The following CRIM1 variants were observed in gnomAD, a reference collection of about 807,000 sequenced individuals.
CRIM1 encodes the protein cysteine rich transmembrane BMP regulator 1.
CRIM1 carries 32 observed loss-of-function variants against 116.4 expected under a neutral mutation model. That is an observed-to-expected ratio of 0.27 (90% confidence interval 0.21 to 0.37). The LOEUF is 0.37. Ranked by LOEUF, CRIM1 falls within the 10% of genes least tolerant of loss-of-function variation. The pLI is 1.00. For missense variants in CRIM1, 1,331 were observed against 1,354.8 expected (o/e 0.98, Z 0.28); for synonymous variants, 590 against 509.2 (o/e 1.16, Z -2.13).
rs1208832583 is a variant in CRIM1 at position 36,534,288 on chromosome 2, G to C, written c.2429-3064G>C. 2.3e-5 allele frequency among the ~76,000 whole-genome samples: 3 copies of C among 131,902 alleles called. No homozygotes were observed. The East Asian group carries it at 7.4e-4, about 32-fold the overall frequency. 86.5% of individuals were successfully genotyped at this position (131,902 alleles called of 152,430 possible). A position where few individuals can be genotyped will look rare whatever the true frequency, so the allele number is the denominator to read the frequency against. ...GAAAGGATGGAGGGGACAGGAAGGAGGGATGAGAAAGGAAGGAGGGAGGGG... is the reference window on the plus strand; with the variant it reads ...GAAAGGATGGAGGGGACAGGAAGGACGGATGAGAAAGGAAGGAGGGAGGGG... On this transcript the variant is annotated intron_variant, in intron 13 of 16. Transcript: ENST00000280527.
intron 2 of CRIM1, among the ~76,000 whole-genome samples, chr2:36,402,285 CA>C (rs1672465438): frequency 6.6e-6 from 1 of 152,154 alleles, no homozygotes; most frequent in South Asian, 2.1e-4. Context: ...GAAGGAAGGG[CA>C]GTCCAAACTG....
intron 7 of CRIM1, among the ~76,000 whole-genome samples, chr2:36,489,445 T>C (rs1680067920): frequency 6.6e-6 from 1 of 152,218 alleles, no homozygotes; most frequent in Admixed American, 6.5e-5. Flanking sequence ...TCTCATCCTT[T>C]CTGGGAATCA....
chr2:36,521,671 A>G (rs955570114), intron 12 of CRIM1, among the ~76,000 whole-genome samples: 1 of 152,174 alleles, frequency 6.6e-6, no homozygotes, highest in Non-Finnish European at 1.5e-5. Flanking sequence ...AGAAAGTGAA[A>G]GCTTTCCCAG....
intron 1 of CRIM1, among the ~76,000 whole-genome samples, chr2:36,374,528 C>A (rs575813571): frequency 6.6e-6 from 1 of 152,214 alleles, no homozygotes; most frequent in Admixed American, 6.5e-5. Context: ...TTTTTTATCC[C>A]CATCTAACAT....
At chr2:36,435,451 A>C (rs950015387) in intron 2 of CRIM1, among the ~76,000 whole-genome samples, 6 of 152,088 alleles carry the variant, frequency 3.9e-5, no homozygotes, top group Non-Finnish European at 8.8e-5. Flanking sequence ...TTTAAATAGA[A>C]ATAATGGTAA....
chr2:36,462,641 T>C (rs1177504379), intron 4 of CRIM1, among the ~76,000 whole-genome samples: 1 of 152,182 alleles, frequency 6.6e-6, no homozygotes, highest in Non-Finnish European at 1.5e-5. Context: ...TCATAGAAGA[T>C]TTGTAAGAGA....
intron 2 of CRIM1, among the ~76,000 whole-genome samples, chr2:36,419,484 T>C (rs1337492504): frequency 6.6e-6 from 1 of 152,194 alleles, no homozygotes; most frequent in Admixed American, 6.5e-5. Context: ...GAATAGGTAG[T>C]TTTGATATTA....
In CRIM1 at chr2:36,357,089, G is replaced by C. The variant is rs1308484005; in HGVS notation, c.331+466G>C. 2.0e-5 allele frequency among the ~76,000 whole-genome samples: 3 copies of C among 152,316 alleles called. No homozygotes were observed. The South Asian group carries it at 6.2e-4, about 32-fold the overall frequency. ...CGAAAGTCCTTTTTCTGTTGGCGGA[G>C]GAGACGTGTCTCCAGCTCGCACTCC... On this transcript the variant is annotated intron_variant, in intron 1 of 16. Transcript: ENST00000280527.
At chr2:36,478,254 AT>A (rs1308214632) in intron 6 of CRIM1, among the ~76,000 whole-genome samples, 2 of 152,194 alleles carry the variant, frequency 1.3e-5, no homozygotes, top group East Asian at 3.8e-4. Context: ...AAAGTAGTTT[AT>A]TTTTTAGGTG....
chr2:36,416,415 A>G (rs1673626577), intron 2 of CRIM1, among the ~76,000 whole-genome samples: 1 of 152,202 alleles, frequency 6.6e-6, no homozygotes, highest in Non-Finnish European at 1.5e-5. Flanking sequence ...AGTTAAGACT[A>G]GAATGACCGG....
At chr2:36,498,267 T>A (rs553781652) in intron 7 of CRIM1, among the ~76,000 whole-genome samples, 1 of 152,160 alleles carries the variant, frequency 6.6e-6, no homozygotes, top group Non-Finnish European at 1.5e-5. Flanking sequence ...AGATTTTGTG[T>A]TGCACAGAAG....
chr2:36,499,275 C>G lies in CRIM1; in HGVS notation c.1429C>G (p.Leu477Val). The change falls in exon 8 of 17, where the codon CTG becomes GTG. Residue 477 changes from leucine to valine, a missense_variant. Around this residue, in one of 3 missense-constraint regions of CRIM1, gnomAD observed 690 missense variants for 676.0 expected, o/e 1.02. Transcript: ENST00000280527. ...ATGTGGGGAGTTATCAAACTGCACT[C>G]TGACAGGGAAGGACTGCATTAATGG... is the stretch of plus-strand genomic sequence containing the variant. Reference protein sequence around the residue: ...PACGELSNCTLTGKDCINGFK... With the variant: ...PACGELSNCTVTGKDCINGFK... 1.2e-6 allele frequency: 2 copies of G among 1,613,810 alleles called. No homozygotes were observed. Among genetic ancestry groups the G allele is most frequent in the South Asian group, 1.1e-5 (1 of 91,076 alleles).
intron 2 of CRIM1, among the ~76,000 whole-genome samples, chr2:36,419,632 G>A (rs908027843): frequency 6.6e-6 from 1 of 152,110 alleles, no homozygotes; most frequent in African/African-American, 2.4e-5. Context: ...GTGCCTCCTA[G>A]GGGGACTAGC....
At chr2:36,508,048 A>ATT (rs1681553465) in intron 8 of CRIM1, among the ~76,000 whole-genome samples, 1 of 152,232 alleles carries the variant, frequency 6.6e-6, no homozygotes, top group African/African-American at 2.4e-5. Context: ...ATGACTAATA[A>ATT]AGTCTTCTTT....
intron 5 of CRIM1, among the ~76,000 whole-genome samples, chr2:36,467,708 G>A (rs1411181605): frequency 6.6e-6 from 1 of 152,184 alleles, no homozygotes; most frequent in East Asian, 1.9e-4. Context: ...AAGCACCCAC[G>A]GGTATACAGT....
chr2:36,432,667 G>A (rs1674986139), intron 2 of CRIM1, among the ~76,000 whole-genome samples: 1 of 152,078 alleles, frequency 6.6e-6, no homozygotes, highest in Non-Finnish European at 1.5e-5. Flanking sequence ...ACACTAGTTG[G>A]ATCCGATTTC....
intron 1 of CRIM1, among the ~76,000 whole-genome samples, chr2:36,396,350 T>G (rs986554919): frequency 1.3e-5 from 2 of 152,242 alleles, no homozygotes; most frequent in Non-Finnish European, 2.9e-5. Flanking sequence ...TAATAACACA[T>G]TAAGAGAAGT....
chr2:36,473,962 T>C (rs1678753293), intron 5 of CRIM1, among the ~76,000 whole-genome samples: 1 of 152,088 alleles, frequency 6.6e-6, no homozygotes, highest in Non-Finnish European at 1.5e-5. Context: ...TTTTACATCC[T>C]CACTAAAAAT....
intron 8 of CRIM1, among the ~76,000 whole-genome samples, chr2:36,506,460 G>A (rs1022115631): frequency 6.6e-6 from 1 of 152,120 alleles, no homozygotes; most frequent in African/African-American, 2.4e-5. Context: ...TCCTCTAGGG[G>A]ACACCATCCA....
Sources: allele counts gnomAD v4.1 joint callset (sites outside exome capture counted in the v4.1 genomes callset), GRCh38; gene constraint gnomAD v4.1.1; regional missense constraint gnomAD v4.1.1; transcripts MANE v1.5; gene names NCBI Gene and HGNC (gene_info 2026-07-23, HGNC 2026-07-21).